BTN1A1: variants seen among roughly 807,000 people sequenced by gnomAD.
BTN1A1 encodes the protein butyrophilin subfamily 1 member A1, also known as bK14H9.2 (butyrophilin, subfamily 1, member A1).
A neutral mutation model predicts 33.1 loss-of-function variants in BTN1A1; 26 were observed. The ratio of observed to expected loss-of-function variants is 0.79; its 90% CI spans 0.58 to 1.09. The LOEUF (loss-of-function observed/expected upper bound fraction) is 1.09. BTN1A1 is among the 50% of genes least tolerant of loss of function. BTN1A1 has a pLI of 0.00. For missense variants in BTN1A1, 558 were observed against 655.7 expected (o/e 0.85, Z 1.63); for synonymous variants, 235 against 256.2 (o/e 0.92, Z 0.79).
At position 26,501,447 on chromosome 6, in the gene BTN1A1, G is replaced by A; in HGVS notation, c.79+82G>A. 1 of 1,572,522 alleles carries A rather than the reference G, an allele frequency of 6.4e-7. No individual in the cohort carries two copies. The highest frequency in any genetic ancestry group is 8.7e-7 in the Non-Finnish European group (1 of 1,144,086). On this transcript the variant is annotated intron_variant, in intron 2 of 7. Transcript: ENST00000684113. The surrounding 1 kb of genome is among the most constrained non-coding windows in gnomAD (Gnocchi z 5.2). ...TAAACAATCCCACTTGGCTCTCCCT[G>A]GAGACCTCCACTGGATCCAGACAAA... is the stretch of plus-strand genomic sequence containing the variant.
Sources: allele counts gnomAD v4.1 joint callset, GRCh38; gene constraint gnomAD v4.1.1; non-coding constraint Gnocchi (gnomAD v3.1); transcripts MANE v1.5; gene names NCBI Gene and HGNC (gene_info 2026-07-23, HGNC 2026-07-21).